The following UVRAG variants were observed in gnomAD, a reference collection of about 807,000 sequenced individuals.
The protein encoded by UVRAG is UV radiation resistance associated.
In UVRAG, 19 loss-of-function variants were observed where a neutral mutation model predicts 78.0. The observed-to-expected ratio is 0.24, with a 90% confidence interval of 0.17 to 0.36. The LOEUF is 0.36. Among genes scored for constraint, UVRAG ranks in the 10% least tolerant of loss-of-function variants. The pLI, the probability that UVRAG is intolerant of heterozygous loss-of-function variation, is 1.00. For missense variants in UVRAG, 740 were observed against 853.8 expected (o/e 0.87, Z 1.66); for synonymous variants, 323 against 324.6 (o/e 1.00, Z 0.05).
intron 6 of UVRAG, among the ~76,000 whole-genome samples, chr11:75,934,151 A>G (rs572319145): frequency 1.3e-5 from 2 of 152,358 alleles, no homozygotes; most frequent in African/African-American, 2.4e-5. Context: ...ATGGAATACT[A>G]TTCCGCCATT....
chr11:76,060,911 G>A (rs908471561), intron 12 of UVRAG, among the ~76,000 whole-genome samples: 5 of 152,246 alleles, frequency 3.3e-5, no homozygotes, highest in Non-Finnish European at 5.9e-5. Context: ...GCTCCATGGC[G>A]CCCAGTGCCA....
chr11:76,106,873 G>A (rs936424593), intron 13 of UVRAG, among the ~76,000 whole-genome samples: 2 of 151,826 alleles, frequency 1.3e-5, no homozygotes, highest in Non-Finnish European at 2.9e-5. Flanking sequence ...TCCTACTCAA[G>A]TCTACTGACT....
At chr11:76,093,425 T>C (rs993950303) in intron 13 of UVRAG, among the ~76,000 whole-genome samples, 1 of 152,212 alleles carries the variant, frequency 6.6e-6, no homozygotes, top group Non-Finnish European at 1.5e-5. Context: ...GGGGATGGCA[T>C]TGAATCTATA....
intron 6 of UVRAG, among the ~76,000 whole-genome samples, chr11:75,951,221 T>A (rs1291557100): frequency 6.6e-6 from 1 of 152,126 alleles, no homozygotes; most frequent in East Asian, 1.9e-4. Flanking sequence ...TTCATTTATT[T>A]CCTATATACG....
intron 8 of UVRAG, among the ~76,000 whole-genome samples, chr11:75,998,745 T>C (rs2135318672): frequency 6.6e-6 from 1 of 152,294 alleles, no homozygotes; most frequent in Non-Finnish European, 1.5e-5. Context: ...AATGACCAAG[T>C]GTAGACTAGT....
Position 75,879,969 on chromosome 11 carries a change from A to G in UVRAG, c.361A>G (p.Lys121Glu). Reference sequence around the variant, plus strand: ...TTTCGTGGTGAAGATATGGGGTGGAAAGGAGAACATCTACCAGCTGTTGAT... The same window carrying G: ...TTTCGTGGTGAAGATATGGGGTGGAGAGGAGAACATCTACCAGCTGTTGAT... ...SCFVVKIWGG[K>E]ENIYQLLIEW... is the part of the protein sequence containing the mutation. Residue 121 changes from lysine (K) to glutamate (E), a missense_variant, in exon 4 of 15, where the codon AAG becomes GAG. Transcript: ENST00000356136. The G allele has an allele frequency of 1.2e-6, 2 of 1,614,182 alleles. No individual in the cohort carries two copies. Among genetic ancestry groups the G allele is most frequent in the Non-Finnish European group, 1.7e-6 (2 of 1,180,016 alleles).
chr11:75,828,780 CATATATAT>C lies in UVRAG; in HGVS notation c.117+13275_117+13282del, dbSNP rs71036067. Among the ~76,000 whole-genome samples, 106 of 92,836 alleles carry C rather than the reference CATATATAT, an allele frequency of 1.1e-3. 1 individual carries two copies. The highest frequency in any genetic ancestry group is 6.8e-3 in the Middle Eastern group (1 of 148). 60.9% of individuals were successfully genotyped at this position (92,836 alleles called of 152,430 possible). ...ATATATATATATATATATATACACA[CATATATAT>C]ATATATATATATATATATTTTTTTT... On this transcript the variant is annotated intron_variant, in intron 1 of 14. Transcript: ENST00000356136.
At chr11:76,020,527 T>C (rs1422046932) in intron 12 of UVRAG, among the ~76,000 whole-genome samples, 1 of 152,050 alleles carries the variant, frequency 6.6e-6, no homozygotes, top group Non-Finnish European at 1.5e-5. Context: ...ATATGTCATC[T>C]GGGAGCTAGG....
In UVRAG at chr11:75,988,256, G is replaced by A. The variant is rs191696060; in HGVS notation, c.826+4743G>A. Among the ~76,000 whole-genome samples the A allele has an allele frequency of 3.2e-3, 488 of 152,190 alleles. 2 individuals carry two copies. Among genetic ancestry groups the A allele is most frequent in the Non-Finnish European group, 4.1e-3 (276 of 67,980 alleles). ...TTTCTATCATTGTAAACAGCTTTTTGGCCTTGTTGTAGTCAGTTCTTTCCT... is the reference window on the plus strand; with the variant it reads ...TTTCTATCATTGTAAACAGCTTTTTAGCCTTGTTGTAGTCAGTTCTTTCCT... On this transcript the variant is annotated intron_variant, in intron 8 of 14. Transcript: ENST00000356136.
intron 4 of UVRAG, among the ~76,000 whole-genome samples, chr11:75,881,069 A>G (rs1219227776): frequency 1.3e-5 from 2 of 149,914 alleles, no homozygotes; most frequent in Non-Finnish European, 3.0e-5. Flanking sequence ...CTCAGCCTCA[A>G]TCCCTCAATA....
intron 12 of UVRAG, among the ~76,000 whole-genome samples, chr11:76,062,114 C>T (rs774268177): frequency 1.9e-4 from 29 of 152,154 alleles, no homozygotes; most frequent in Non-Finnish European, 3.4e-4. Flanking sequence ...CTTGTGGCTG[C>T]ATAACTAAGC....
rs913302128 is a variant in UVRAG, at chr11:75,847,210, G to A, written c.118-4673G>A. On this transcript the variant is annotated intron_variant, in intron 1 of 14. Coordinates refer to ENST00000356136, the MANE Select transcript of UVRAG (RefSeq NM_003369.4). ...TGGCGTGATCTCGGCTTACTGCAACGTCCAACTCCGGGGTTCAAGTGAGTC... is the reference window on the plus strand; with the variant it reads ...TGGCGTGATCTCGGCTTACTGCAACATCCAACTCCGGGGTTCAAGTGAGTC... Among the ~76,000 whole-genome samples the A allele has an allele frequency of 4.0e-5, 6 of 149,500 alleles. No individual in the cohort carries two copies. In the South Asian group the frequency reaches 1.1e-3, roughly 26 times the overall value.
rs115890644 is a variant in UVRAG, at chr11:75,873,759, G to A, written c.271-6120G>A. ...CTGTAGTTCATGTTAAATTAAATCC[G>A]GTATAGTGCTCAGCATGTAGTAAAT... On this transcript the variant is annotated intron_variant, in intron 3 of 14. Coordinates refer to ENST00000356136, the MANE Select transcript of UVRAG (RefSeq NM_003369.4). 2.9e-3 allele frequency among the ~76,000 whole-genome samples: 448 copies of A among 152,258 alleles called. 3 individuals are homozygous for A. Among genetic ancestry groups the A allele is most frequent in the African/African-American group, 0.01 (417 of 41,526 alleles).
At chr11:75,858,936 C>T (rs1946354010) in intron 2 of UVRAG, among the ~76,000 whole-genome samples, 1 of 152,344 alleles carries the variant, frequency 6.6e-6, no homozygotes, top group South Asian at 2.1e-4. Flanking sequence ...GAATGGAATG[C>T]TGCAGAACAG....
intron 2 of UVRAG, among the ~76,000 whole-genome samples, 197 bp from the exon 3 acceptor site, chr11:75,861,549 A>T (rs1041225906): frequency 1.3e-5 from 2 of 151,676 alleles, no homozygotes; most frequent in Non-Finnish European, 2.9e-5. Context: ...TCTTTACTGA[A>T]TTTTTTTCCC....
chr11:75,888,570 G>T (rs1441448079), intron 4 of UVRAG, among the ~76,000 whole-genome samples: 1 of 152,220 alleles, frequency 6.6e-6, no homozygotes, highest in Non-Finnish European at 1.5e-5. Context: ...ACAACCTCAA[G>T]AAATGTTTGT....
intron 13 of UVRAG, among the ~76,000 whole-genome samples, chr11:76,103,511 G>A (rs1214054824): frequency 6.7e-6 from 1 of 150,016 alleles, no homozygotes; most frequent in East Asian, 1.9e-4. Context: ...GGAACAGTGT[G>A]CACTTGAAAG....
At chr11:75,999,887 C>G (rs1949778648) in intron 8 of UVRAG, among the ~76,000 whole-genome samples, 1 of 151,982 alleles carries the variant, frequency 6.6e-6, no homozygotes, top group African/African-American at 2.4e-5. Flanking sequence ...TGCAAATATT[C>G]CAAAATCTGA....
chr11:76,126,591 A>T (rs780582328), intron 14 of UVRAG, among the ~76,000 whole-genome samples: 8 of 152,172 alleles, frequency 5.3e-5, no homozygotes, highest in Non-Finnish European at 1.0e-4. Context: ...ATCATTTTTA[A>T]TGGCTACGTA....
Sources: gnomAD v4.1 joint callset for allele counts (sites outside exome capture counted in the v4.1 genomes callset) on GRCh38, gnomAD v4.1.1 for gene constraint, MANE v1.5 for transcripts, NCBI Gene and HGNC (gene_info 2026-07-23, HGNC 2026-07-21) for gene names.